RAPGEF5: variants seen among roughly 807,000 people sequenced by gnomAD.
RAPGEF5 encodes the protein M-Ras-regulated GEF.
Under a neutral mutation model 125.2 loss-of-function variants are expected in RAPGEF5, and 65 were observed. The observed-to-expected ratio is 0.52, with a 90% CI of 0.43 to 0.64. RAPGEF5 has a LOEUF of 0.64. Among genes scored for constraint, RAPGEF5 ranks in the 30% least tolerant of loss-of-function variants. RAPGEF5 has a pLI of 0.00. For synonymous variants in RAPGEF5, 391 were observed against 385.9 expected (o/e 1.01, Z -0.16); for missense variants, 958 against 1,048.1 (o/e 0.91, Z 1.19).
intron 9 of RAPGEF5, among the ~76,000 whole-genome samples, chr7:22,205,181 C>T (rs964037348): frequency 5.9e-5 from 9 of 152,208 alleles, no homozygotes; most frequent in Non-Finnish European, 1.2e-4. Flanking sequence ...ACCTGTGATC[C>T]ATTAAAGTCT....
intron 7 of RAPGEF5, among the ~76,000 whole-genome samples, chr7:22,263,496 G>C (rs1381283233): frequency 6.6e-6 from 1 of 152,182 alleles, no homozygotes; most frequent in Non-Finnish European, 1.5e-5. Flanking sequence ...TTGGGAGACA[G>C]AGACGGGTGG....
chr7:22,199,529 TTG>T (rs1785227407), intron 9 of RAPGEF5, among the ~76,000 whole-genome samples: 1 of 31,722 alleles, frequency 3.2e-5, no homozygotes, highest in Admixed American at 4.8e-4. Context: ...TACCTTAAAA[TTG>T]AAAAAAAAAA....
rs1254090078 is a variant in RAPGEF5 at position 22,118,386 on chromosome 7, A to G, written c.*4020T>C. On this transcript the variant is annotated 3_prime_UTR_variant, in exon 26 of 26. Transcript: ENST00000665637. ...ACAAGATAAGGTAAGGGTTACTTAT[A>G]TAAGTTTTAACCTTATATTGCTTGG... 1.3e-5 allele frequency: 2 copies of G among 152,628 alleles called. No individual in the cohort carries two copies. The highest frequency in any genetic ancestry group is 4.8e-5 in the African/African-American group (2 of 41,452). The allele number at this position is 152,628 out of a possible 1,614,324, so 9.5% of individuals were successfully genotyped here.
chr7:22,278,655 A>C (rs1338751534), intron 6 of RAPGEF5, among the ~76,000 whole-genome samples: 5 of 151,402 alleles, frequency 3.3e-5, no homozygotes, highest in Non-Finnish European at 7.4e-5. Flanking sequence ...GGTTCATGCC[A>C]ATAATGTTGA....
chr7:22,219,648 T>C (rs889876064), intron 9 of RAPGEF5, among the ~76,000 whole-genome samples: 3 of 152,122 alleles, frequency 2.0e-5, no homozygotes, highest in Non-Finnish European at 4.4e-5. Flanking sequence ...CTACATAATT[T>C]ACTTTTGAGA....
intron 7 of RAPGEF5, among the ~76,000 whole-genome samples, chr7:22,244,048 T>C (rs1786407907): frequency 6.6e-6 from 1 of 152,192 alleles, no homozygotes; most frequent in Non-Finnish European, 1.5e-5. Context: ...TCATGTAGTA[T>C]TTCTCTTTCT....
chr7:22,269,484 C>A (rs1186081184), intron 6 of RAPGEF5, among the ~76,000 whole-genome samples: 2 of 152,042 alleles, frequency 1.3e-5, no homozygotes, highest in Admixed American at 6.5e-5. Flanking sequence ...GAAGAGACAA[C>A]CCTATTTATA....
intron 9 of RAPGEF5, among the ~76,000 whole-genome samples, chr7:22,197,578 G>A (rs1785175420): frequency 6.6e-6 from 1 of 152,118 alleles, no homozygotes; most frequent in South Asian, 2.1e-4. Flanking sequence ...CCTCCAGGAA[G>A]CCCCCTGGTC....
chr7:22,236,324 C>G (rs1786187510), intron 7 of RAPGEF5, among the ~76,000 whole-genome samples: 1 of 152,248 alleles, frequency 6.6e-6, no homozygotes, highest in South Asian at 2.1e-4. Flanking sequence ...CTCTGAGTTC[C>G]AGGCCCACAT....
chr7:22,354,981 G>A (rs1005039981), intron 1 of RAPGEF5, among the ~76,000 whole-genome samples: 1 of 152,150 alleles, frequency 6.6e-6, no homozygotes, highest in African/African-American at 2.4e-5. Context: ...CTCCTTTGAT[G>A]GGGAAGATTC....
Position 22,154,576 on chromosome 7 carries a change from G to C in RAPGEF5, c.1665C>G (p.His555Gln). The part of the protein sequence containing the change: ...EIFCHVYITE[H>Q]SYVSVKAKVS... Reference sequence around the variant, plus strand: ...CTTTTGCCTTCACACTGACATAGGAGTGCTCTGTTATATACACGTGGCAGA... The same window carrying C: ...CTTTTGCCTTCACACTGACATAGGACTGCTCTGTTATATACACGTGGCAGA... The change falls in exon 17 of 26, where the codon CAC becomes CAG. Residue 555 changes from histidine to glutamine, a missense_variant. His to Gln is a conservative substitution (Grantham distance 24, BLOSUM62 0). Coordinates refer to ENST00000665637, the MANE Select transcript of RAPGEF5 (RefSeq NM_012294.5). The C allele has an allele frequency of 6.2e-7, 1 of 1,613,800 alleles. No individual in the cohort carries two copies. The highest frequency in any genetic ancestry group is 8.5e-7 in the Non-Finnish European group (1 of 1,179,778).
At chr7:22,137,550 T>G (rs1783116051) in intron 21 of RAPGEF5, among the ~76,000 whole-genome samples, 1 of 152,190 alleles carries the variant, frequency 6.6e-6, no homozygotes, top group African/African-American at 2.4e-5. Context: ...AATTCAGGCC[T>G]AAGGAAGAAG....
chr7:22,263,179 G>A (rs914874484), intron 7 of RAPGEF5, among the ~76,000 whole-genome samples: 6 of 152,232 alleles, frequency 3.9e-5, no homozygotes, highest in Non-Finnish European at 5.9e-5. Flanking sequence ...TGGAAAGTCA[G>A]TGTAGCTATA....
intron 24 of RAPGEF5, among the ~76,000 whole-genome samples, chr7:22,130,285 G>A (rs981948358): frequency 9.9e-5 from 15 of 152,178 alleles, no homozygotes; most frequent in African/African-American, 3.4e-4. Flanking sequence ...CAGTTGCTCA[G>A]TTCTTATGGG....
intron 12 of RAPGEF5, among the ~76,000 whole-genome samples, chr7:22,164,209 T>C (rs1471470324): frequency 1.3e-5 from 2 of 152,062 alleles, no homozygotes; most frequent in Non-Finnish European, 2.9e-5. Context: ...TGGGCATCTG[T>C]AGAGCCAGCT....
intron 11 of RAPGEF5, among the ~76,000 whole-genome samples, chr7:22,180,536 G>A (rs186853373): frequency 6.3e-4 from 96 of 152,278 alleles, no homozygotes; most frequent in African/African-American, 2.3e-3. Context: ...ATATCAGAGT[G>A]GCTTTATCGG....
chr7:22,348,377 G>C (rs1784264517), intron 1 of RAPGEF5, among the ~76,000 whole-genome samples: 2 of 152,146 alleles, frequency 1.3e-5, no homozygotes, highest in African/African-American at 4.8e-5. Flanking sequence ...ACTTTGACAG[G>C]TATGTGTACT....
chr7:22,241,914 C>G (rs1227497077), intron 7 of RAPGEF5, among the ~76,000 whole-genome samples: 1 of 152,148 alleles, frequency 6.6e-6, no homozygotes, highest in Non-Finnish European at 1.5e-5. Context: ...CTTTGCATAT[C>G]ATGAACCAAC....
intron 22 of RAPGEF5, among the ~76,000 whole-genome samples, chr7:22,136,620 A>C (rs954006051): frequency 6.6e-6 from 1 of 152,316 alleles, no homozygotes; most frequent in South Asian, 2.1e-4. Context: ...AAAATGCATG[A>C]GACACTAATT....
Sources: gnomAD v4.1 joint callset for allele counts (sites outside exome capture counted in the v4.1 genomes callset) on GRCh38, gnomAD v4.1.1 for gene constraint, MANE v1.5 for transcripts, NCBI Gene and HGNC (gene_info 2026-07-23, HGNC 2026-07-21) for gene names.